IGF1R: variants seen among roughly 807,000 people sequenced by gnomAD.
IGF1R encodes the protein insulin-like growth factor 1 receptor.
IGF1R carries 44 observed loss-of-function variants against 144.6 expected under a neutral mutation model. The ratio of observed to expected loss-of-function variants is 0.30; its 90% CI spans 0.24 to 0.39. IGF1R has a LOEUF of 0.39. Among genes scored for constraint, IGF1R ranks in the 10% least tolerant of loss-of-function variants. The pLI is 1.00. For missense variants in IGF1R, 1,355 were observed against 1,833.7 expected, an observed-to-expected ratio of 0.74 and a Z score of 4.77; for synonymous variants, 795 against 722.8, an observed-to-expected ratio of 1.10 and a Z score of -1.60.
At position 98,934,939 on chromosome 15, in the gene IGF1R, T is replaced by G; in HGVS notation, c.3072T>G (p.Asp1024Glu). 1 of 1,614,130 alleles carries G rather than the reference T, an allele frequency of 6.2e-7. No individual in the cohort carries two copies. The highest frequency in any genetic ancestry group is 8.5e-7 in the Non-Finnish European group (1 of 1,180,030). ...YEGVAKGVVK[D>E]EPETRVAIKT... The stretch of plus-strand genomic sequence containing the variant: ...GAGTTGCCAAGGGTGTGGTGAAAGA[T>G]GAACCTGAAACCAGAGTGGCCATTA... Residue 1024 changes from aspartate to glutamate, a missense_variant, in exon 16 of 21, where the codon GAT (aspartate) becomes GAG (glutamate). By Grantham distance (45) the Asp-to-Glu change is conservative (BLOSUM62 2). Around this residue, in one of 7 missense-constraint regions of IGF1R, gnomAD observed 880 missense variants for 1,202.7 expected, o/e 0.73. Transcript: ENST00000650285.
chr15:98,759,078 CCAT>C (rs1195083864), intron 2 of IGF1R, among the ~76,000 whole-genome samples: 1 of 152,218 alleles, frequency 6.6e-6, no homozygotes, highest in Non-Finnish European at 1.5e-5. Context: ...TCCTCTGTCT[CCAT>C]CACTCAGTAT....
chr15:98,842,544 ATGTGT>A (rs754800424), intron 2 of IGF1R, among the ~76,000 whole-genome samples: 2 of 152,196 alleles, frequency 1.3e-5, no homozygotes, highest in Non-Finnish European at 2.9e-5. Context: ...GATGTAATTG[ATGTGT>A]TAACAATTTT....
chr15:98,852,551 G>T (rs947808885), intron 2 of IGF1R, among the ~76,000 whole-genome samples: 2 of 152,298 alleles, frequency 1.3e-5, no homozygotes, highest in South Asian at 4.1e-4. Flanking sequence ...TTAGGGAGGC[G>T]ATCACCAGAG....
intron 19 of IGF1R, among the ~76,000 whole-genome samples, chr15:98,946,036 T>TGACGACGAC (rs1567215831): frequency 2.6e-5 from 4 of 151,430 alleles, no homozygotes; most frequent in Admixed American, 2.6e-4. Context: ...ATGACGACGA[T>TGACGACGAC]GACAGCGTCG....
At chr15:98,675,810 T>TTTTC (rs202088907) in intron 1 of IGF1R, among the ~76,000 whole-genome samples, 321 of 117,908 alleles carry the variant, frequency 2.7e-3, no homozygotes, top group African/African-American at 8.9e-3. Flanking sequence ...CTTTTCTTTT[T>TTTTC]TTTCTTTCTT....
rs1456214823 is a variant in IGF1R, at chr15:98,935,149, T to C, written c.3186+96T>C. 8.9e-7 allele frequency: 1 copy of C among 1,129,748 alleles called. No individual in the cohort carries two copies. The highest frequency in any genetic ancestry group is 2.4e-5 in the East Asian group (1 of 40,974). 70.0% of individuals were successfully genotyped at this position (1,129,748 alleles called of 1,614,324 possible). ...TCTTGGCTGCATGTACCCGTGGGTT[T>C]GGTGTCTTGCCTTTGCCTTCTGGAT... On this transcript the variant is annotated intron_variant, in intron 16 of 20. Coordinates refer to ENST00000650285, the MANE Select transcript of IGF1R (RefSeq NM_000875.5). This position sits in a 1 kb window ranked among gnomAD's most constrained non-coding sequence, Gnocchi z 4.2.
At chr15:98,927,879 T>C (rs1295659428) in intron 13 of IGF1R, among the ~76,000 whole-genome samples, 4 of 152,228 alleles carry the variant, frequency 2.6e-5, no homozygotes, top group African/African-American at 7.2e-5. Flanking sequence ...TCCAGGCCCA[T>C]TTCCACATAG....
At chr15:98,721,387 C>T (rs906435173) in intron 2 of IGF1R, among the ~76,000 whole-genome samples, 3 of 152,204 alleles carry the variant, frequency 2.0e-5, no homozygotes, top group Non-Finnish European at 4.4e-5. Flanking sequence ...GTTTGATTCT[C>T]CAACCTCACA....
At chr15:98,822,457 C>T (rs1371727498) in intron 2 of IGF1R, among the ~76,000 whole-genome samples, 1 of 152,198 alleles carries the variant, frequency 6.6e-6, no homozygotes, top group Non-Finnish European at 1.5e-5. Context: ...TCTCGTCTTA[C>T]AAGGTCCCGA....
intron 1 of IGF1R, among the ~76,000 whole-genome samples, chr15:98,702,957 T>C (rs2053773231): frequency 6.6e-6 from 1 of 151,952 alleles, no homozygotes; most frequent in Admixed American, 6.6e-5. Flanking sequence ...AAAAAATAAA[T>C]AAAATGACAT....
At chr15:98,925,981 A>G (rs555621573) in intron 13 of IGF1R, among the ~76,000 whole-genome samples, 1 of 152,228 alleles carries the variant, frequency 6.6e-6, no homozygotes, top group South Asian at 2.1e-4. Flanking sequence ...TCCAAAGGCA[A>G]TGAAATAGGT....
Position 98,707,465 on chromosome 15 carries a change from T to C in IGF1R, c.95-97T>C. 2 of 1,217,788 alleles carry C rather than the reference T, an allele frequency of 1.6e-6. No homozygotes were observed. The highest frequency in any genetic ancestry group is 2.4e-6 in the Non-Finnish European group (2 of 844,728). The allele number at this position is 1,217,788 out of a possible 1,614,324, so 75.4% of individuals were successfully genotyped here. On this transcript the variant is annotated intron_variant, in intron 1 of 20. Coordinates refer to ENST00000650285, the MANE Select transcript of IGF1R (RefSeq NM_000875.5). This position sits in a 1 kb window ranked among gnomAD's most constrained non-coding sequence, Gnocchi z 6.7. ...TTGAACCTCATTTCTTTAATAATAA[T>C]ACAGGATTCCTGAAAACCAACTGTA...
At chr15:98,849,790 A>G (rs2011469847) in intron 2 of IGF1R, among the ~76,000 whole-genome samples, 1 of 152,266 alleles carries the variant, frequency 6.6e-6, no homozygotes, top group Non-Finnish European at 1.5e-5. Flanking sequence ...AGAAACACAA[A>G]TAGCTAAGCA....
intron 2 of IGF1R, among the ~76,000 whole-genome samples, chr15:98,779,369 A>G (rs1055438928): frequency 1.3e-5 from 2 of 152,224 alleles, no homozygotes; most frequent in African/African-American, 4.8e-5. Flanking sequence ...CTTCTCCTTT[A>G]TTAATTTTTT....
intron 1 of IGF1R, among the ~76,000 whole-genome samples, chr15:98,699,975 A>G (rs919366876): frequency 6.6e-6 from 1 of 152,216 alleles, no homozygotes; most frequent in Non-Finnish European, 1.5e-5. Context: ...ATGGGAATGT[A>G]TATATACAAC....
At chr15:98,711,175 A>G (rs780271515) in intron 2 of IGF1R, among the ~76,000 whole-genome samples, 6 of 152,210 alleles carry the variant, frequency 3.9e-5, no homozygotes, top group Non-Finnish European at 5.9e-5. Context: ...GGGGAGCTCC[A>G]TGAAGGGCAT....
chr15:98,854,695 G>T (rs2011697099), intron 2 of IGF1R, among the ~76,000 whole-genome samples: 1 of 152,120 alleles, frequency 6.6e-6, no homozygotes, highest in Non-Finnish European at 1.5e-5. Flanking sequence ...AGGGCAGGCG[G>T]GTCTGGGAGC....
chr15:98,842,194 CA>C (rs2011186137), intron 2 of IGF1R, among the ~76,000 whole-genome samples: 1 of 152,220 alleles, frequency 6.6e-6, no homozygotes, highest in Admixed American at 6.5e-5. Context: ...ACATAACTAC[CA>C]TTTCTCTACA....
rs751084290 is a variant in IGF1R at position 98,922,248 on chromosome 15, C to G, written c.2302C>G (p.Pro768Ala). The G allele has an allele frequency of 6.2e-7, 1 of 1,614,164 alleles. No individual in the cohort carries two copies. The highest frequency in any genetic ancestry group is 2.2e-5 in the East Asian group (1 of 44,888). ...TAADTYNITDPEELETEYPFF... is the reference protein window; with the variant it reads ...TAADTYNITDAEELETEYPFF... ...CGCAGACACCTACAACATCACCGAC[C>G]CGGAAGAGCTGGAGACAGAGTACCC... is the stretch of plus-strand genomic sequence containing the variant. Residue 768 changes from proline (P) to alanine (A), a missense_variant, in exon 11 of 21, where the codon CCG (proline) becomes GCG (alanine). Pro to Ala is a conservative substitution (Grantham distance 27). Coordinates refer to ENST00000650285, the MANE Select transcript of IGF1R (RefSeq NM_000875.5).
Sources: allele counts gnomAD v4.1 joint callset (sites outside exome capture counted in the v4.1 genomes callset), GRCh38; gene constraint gnomAD v4.1.1; regional missense constraint gnomAD v4.1.1; non-coding constraint Gnocchi (gnomAD v3.1); transcripts MANE v1.5; gene names NCBI Gene and HGNC (gene_info 2026-07-23, HGNC 2026-07-21).